Variants in MYH2 observed in about 807,000 individuals in gnomAD.
MYH2 encodes the protein myosin-2.
Under a neutral mutation model 228.1 loss-of-function variants are expected in MYH2, and 139 were observed. The observed-to-expected ratio is 0.61, with a 90% CI of 0.53 to 0.70. The LOEUF (loss-of-function observed/expected upper bound fraction) is 0.70, where lower values mean the gene tolerates loss of function less well. Among genes scored for constraint, MYH2 ranks in the 30% least tolerant of loss-of-function variants. The probability of loss-of-function intolerance (pLI) is 0.00; values close to 1 mark genes in which losing one functional copy is unlikely to be tolerated. For synonymous variants in MYH2, 796 were observed against 871.1 expected (o/e 0.91, Z 1.52); for missense variants, 1,809 against 2,357.5 (o/e 0.77, Z 4.82).
intron 2 of MYH2, among the ~76,000 whole-genome samples, chr17:10,548,485 C>T (rs1395609284): frequency 6.6e-6 from 1 of 152,140 alleles, no homozygotes; most frequent in Non-Finnish European, 1.5e-5. Context: ...TTATTTCCTC[C>T]TTTACCTGTT....
In MYH2 at chr17:10,526,717, GCTC is replaced by G; in HGVS notation, c.4066_4068del (p.Glu1356del). The G allele has an allele frequency of 6.2e-7, 1 of 1,614,194 alleles. No homozygotes were observed. Among genetic ancestry groups the G allele is most frequent in the Non-Finnish European group, 8.5e-7 (1 of 1,180,010 alleles). ...CTCTGCAGCTCGGCCTTGGATTCCT[GCTC>G]CTCCTCATACTGTTCCCGCAGCAGG... On this transcript the variant is annotated inframe_deletion, in exon 30 of 40. Transcript: ENST00000245503.
At position 10,523,897 on chromosome 17, in the gene MYH2, A is replaced by C; in HGVS notation, c.5176-13T>G. On this transcript the variant is annotated splice_polypyrimidine_tract_variant and intron_variant, in intron 35 of 39. Transcript: ENST00000245503. Reference sequence around the variant, plus strand: ...TCAGGCTGGTGTTCTGTTTAAAAAGAATTTGTACATTTAAAAAATTGTGTT... The same window carrying C: ...TCAGGCTGGTGTTCTGTTTAAAAAGCATTTGTACATTTAAAAAATTGTGTT... The C allele has an allele frequency of 6.2e-7, 1 of 1,609,782 alleles. No homozygotes were observed. Among genetic ancestry groups the C allele is most frequent in the Non-Finnish European group, 8.5e-7 (1 of 1,177,318 alleles).
Position 10,529,176 on chromosome 17 carries a change from T to C in MYH2, c.3340A>G (p.Ile1114Val). The C allele has an allele frequency of 6.2e-7, 1 of 1,614,238 alleles. No homozygotes were observed. Among genetic ancestry groups the C allele is most frequent in the Non-Finnish European group, 8.5e-7 (1 of 1,180,050 alleles). Residue 1114 changes from isoleucine to valine, a missense_variant, in exon 26 of 40, where the codon ATT becomes GTT. This residue lies in a region of MYH2 where 636 missense variants were observed against 729.9 expected (regional missense o/e 0.87). Transcript: ENST00000245503. Reference sequence around the variant, plus strand: ...CATGTACTTACTTGCAATTCTTTAATTTTCTTCTGCAATTGAATGCCAAGT... The same window carrying C: ...CATGTACTTACTTGCAATTCTTTAACTTTCTTCTGCAATTGAATGCCAAGT... ...QALGIQLQKK[I>V]KELQARIEEL...
At chr17:10,533,447 A>C (rs958225008) in intron 20 of MYH2, 26 bp from the exon 21 acceptor site, 3 of 1,614,034 alleles carry the variant, frequency 1.9e-6, no homozygotes, top group East Asian at 4.5e-5. Context: ...GTTGCAAATC[A>C]CAAGCTTTAA....
rs756969288 is a variant in MYH2 at position 10,529,409 on chromosome 17, C to T, written c.3190G>A (p.Asp1064Asn). Residue 1064 changes from aspartate (D) to asparagine (N), a missense_variant, in exon 25 of 40, where the codon GAC becomes AAC. By Grantham distance (23) the Asp-to-Asn change is conservative. Coordinates refer to ENST00000245503, the MANE Select transcript of MYH2 (RefSeq NM_017534.6). The part of the protein sequence containing the change: ...LERAKRKLEG[D>N]LKLAQESIMD... ...ATGGATTCTTGGGCCAACTTCAAGT[C>T]ACCCTCAAGTTTCCTCTTAGCCCTT... is the stretch of plus-strand genomic sequence containing the variant. The T allele has an allele frequency of 6.2e-7, 1 of 1,614,186 alleles. No homozygotes were observed. Among genetic ancestry groups the T allele is most frequent in the South Asian group, 1.1e-5 (1 of 91,080 alleles).
chr17:10,530,114 G>A, intron 22 of MYH2, 40 bp from the exon 23 acceptor site: 1 of 1,613,654 alleles, frequency 6.2e-7, no homozygotes, highest in Non-Finnish European at 8.5e-7. Flanking sequence ...AAGAAAGAAT[G>A]AAATACTTCA....
chr17:10,539,321 C>T lies in MYH2; in HGVS notation c.1300G>A (p.Val434Ile), dbSNP rs143204063. The change falls in exon 14 of 40, where the codon GTC becomes ATC. Residue 434 changes from valine (V) to isoleucine (I), a missense_variant. Transcript: ENST00000245503. ...ATCCACAGGAACATCTTCTCGTAGA[C>T]GGCTTTGGCCAGAGCACCTACTGCG... ...SNAVGALAKAVYEKMFLWMVA... is the reference protein window; with the variant it reads ...SNAVGALAKAIYEKMFLWMVA... 7.5e-5 allele frequency: 121 copies of T among 1,614,212 alleles called. No individual in the cohort carries two copies. In the Middle Eastern group the frequency reaches 8.2e-4, roughly 11 times the overall value.
intron 11 of MYH2, 70 bp from the exon 12 acceptor site, chr17:10,540,136 C>T (rs887592820): frequency 2.7e-5 from 43 of 1,598,596 alleles, no homozygotes; most frequent in Non-Finnish European, 3.5e-5. Flanking sequence ...CTGCACATTC[C>T]CATTGCTGGC....
intron 12 of MYH2, 118 bp from the exon 13 acceptor site, chr17:10,539,680 T>A: frequency 8.2e-7 from 1 of 1,226,808 alleles, no homozygotes; most frequent in Non-Finnish European, 1.2e-6. Context: ...TTTCTGAGTA[T>A]CCTTACCCAT....
In MYH2 at chr17:10,533,269, A is replaced by G. The variant is rs774650395; in HGVS notation, c.2441+16T>C. The G allele has an allele frequency of 6.2e-7, 1 of 1,613,764 alleles. No homozygotes were observed. The highest frequency in any genetic ancestry group is 2.2e-5 in the East Asian group (1 of 44,900). Reference sequence around the variant, plus strand: ...TTTTTGAAGATGGAATATGTGAATAAACATATTTTTTATACCTTCTCTCCA... The same window carrying G: ...TTTTTGAAGATGGAATATGTGAATAGACATATTTTTTATACCTTCTCTCCA... On this transcript the variant is annotated intron_variant, in intron 21 of 39. Coordinates refer to ENST00000245503, the MANE Select transcript of MYH2 (RefSeq NM_017534.6).
At chr17:10,541,354 A>C (rs536540077) in intron 10 of MYH2, among the ~76,000 whole-genome samples, 1 of 151,624 alleles carries the variant, frequency 6.6e-6, no homozygotes, top group African/African-American at 2.4e-5. Flanking sequence ...TGCTCTGGGA[A>C]TGTTGTCTTT....
At position 10,529,204 on chromosome 17, in the gene MYH2, C is replaced by T. The variant is rs1257247271; in HGVS notation, c.3312G>A (p.Gln1104=). 2 of 1,614,234 alleles carry T rather than the reference C, an allele frequency of 1.2e-6. No homozygotes were observed. Among genetic ancestry groups the T allele is most frequent in the East Asian group, 4.5e-5 (2 of 44,884 alleles). ...SNLQSKIEDE[Q]ALGIQLQKKI... ...TCTTCTGCAATTGAATGCCAAGTGC[C>T]TGTTCATCTTCAATCTTGCTTTGCA... The change falls in exon 26 of 40, where the codon CAG becomes CAA. Residue 1104 remains glutamine (Q), a synonymous_variant. Coordinates refer to ENST00000245503, the MANE Select transcript of MYH2 (RefSeq NM_017534.6).
chr17:10,545,545 T>A, intron 4 of MYH2, 43 bp from the exon 5 acceptor site: 2 of 1,609,768 alleles, frequency 1.2e-6, no homozygotes, highest in Non-Finnish European at 8.5e-7. Context: ...ACCTTTCCTG[T>A]TATTTGTGAA....
In MYH2 at chr17:10,521,193, T is replaced by C; in HGVS notation, c.*87A>G. Reference sequence around the variant, plus strand: ...ATGCTTTATTTCCTTTGCAACAGGGTAGAATACACAATAATTACAGAGGGA... The same window carrying C: ...ATGCTTTATTTCCTTTGCAACAGGGCAGAATACACAATAATTACAGAGGGA... On this transcript the variant is annotated 3_prime_UTR_variant, in exon 40 of 40. Coordinates refer to ENST00000245503, the MANE Select transcript of MYH2 (RefSeq NM_017534.6). 6.8e-7 allele frequency: 1 copy of C among 1,477,510 alleles called. No individual in the cohort carries two copies. Among genetic ancestry groups the C allele is most frequent in the Non-Finnish European group, 9.4e-7 (1 of 1,058,340 alleles). 91.5% of individuals were successfully genotyped at this position (1,477,510 alleles called of 1,614,324 possible). A position where few individuals can be genotyped will look rare whatever the true frequency, so the allele number is the denominator to read the frequency against.
rs140527143 is a variant in MYH2 at position 10,521,286 on chromosome 17, T to C, written c.5820A>G (p.Glu1940=). Residue 1940 remains glutamate (E), a synonymous_variant, in exon 40 of 40, where the codon GAA becomes GAG. Coordinates refer to ENST00000245503, the MANE Select transcript of MYH2 (RefSeq NM_017534.6). ...SREVHTKVIS[E]E is the part of the protein sequence containing the mutation. ...CCATGGCATCAGGACATGATCACTCTTCACTTATGACTTTTGTGTGAACCT... is the reference window on the plus strand; with the variant it reads ...CCATGGCATCAGGACATGATCACTCCTCACTTATGACTTTTGTGTGAACCT... 137 of 1,613,792 alleles carry C rather than the reference T, an allele frequency of 8.5e-5. No individual in the cohort carries two copies. In the African/African-American group the frequency reaches 1.5e-3, roughly 18 times the overall value.
In MYH2 at chr17:10,543,730, T is replaced by C; in HGVS notation, c.722A>G (p.Asn241Ser). 6.2e-7 allele frequency: 1 copy of C among 1,614,232 alleles called. No homozygotes were observed. Residue 241 changes from asparagine (N) to serine (S), a missense_variant, in exon 8 of 40, where the codon AAT (asparagine) becomes AGT (serine). Around this residue, in one of 9 missense-constraint regions of MYH2, gnomAD observed 373 missense variants for 620.4 expected, o/e 0.60. Transcript: ENST00000245503. ...EAFGNAKTVR[N>S]DNSSRFGKFI... ...ACTTACAAAGCGAGAGGAGTTGTCA[T>C]TCCTCACGGTCTTGGCGTTGCCAAA...
Position 10,524,823 on chromosome 17 carries a change from C to A in MYH2, c.4905G>T (p.Leu1635=). Residue 1635 remains leucine (L), a synonymous_variant, in exon 34 of 40, where the codon CTG becomes CTT. Transcript: ENST00000245503. This position sits in a 1 kb window ranked among gnomAD's most constrained non-coding sequence, Gnocchi z 4.7. ...EGDLNEMEIQ[L]NHANRMAAEA... is the part of the protein sequence containing the mutation. The stretch of plus-strand genomic sequence containing the variant: ...CAGCAGCCATGCGGTTGGCATGGTT[C>A]AGCTGGATTTCCATTTCATTGAGGT... The A allele has an allele frequency of 6.2e-7, 1 of 1,614,142 alleles. No homozygotes were observed. The highest frequency in any genetic ancestry group is 1.1e-5 in the South Asian group (1 of 91,078).
Position 10,536,658 on chromosome 17 carries a change from C to G in MYH2, c.1898-52G>C, listed in dbSNP as rs1020397943. ...CTGTTTTGAATTGGCAGGGCTACTT[C>G]TTGCGTATTTGCTGATTTCTGTGTT... is the stretch of plus-strand genomic sequence containing the variant. On this transcript the variant is annotated intron_variant, in intron 16 of 39. Coordinates refer to ENST00000245503, the MANE Select transcript of MYH2 (RefSeq NM_017534.6). The G allele has an allele frequency of 8.4e-6, 13 of 1,538,472 alleles. No homozygotes were observed. The African/African-American group carries it at 1.2e-4, about 14-fold the overall frequency.
chr17:10,545,267 T>C (rs974477085), intron 5 of MYH2, 79 bp downstream of exon 5: 1 of 1,609,576 alleles, frequency 6.2e-7, no homozygotes, highest in African/African-American at 1.3e-5. Flanking sequence ...AAGGAATGTG[T>C]TGAGATTGCC....
Sources: gnomAD v4.1 joint callset for allele counts (sites outside exome capture counted in the v4.1 genomes callset) on GRCh38, gnomAD v4.1.1 for gene constraint, gnomAD v4.1.1 regional missense constraint, Gnocchi (gnomAD v3.1) non-coding constraint, MANE v1.5 for transcripts, NCBI Gene and HGNC (gene_info 2026-07-23, HGNC 2026-07-21) for gene names.